Variants in C8orf34 observed in about 807,000 individuals in gnomAD.
C8orf34 encodes uncharacterized protein C8orf34.
C8orf34 carries 65 observed loss-of-function variants against 68.3 expected under a neutral mutation model. The observed-to-expected ratio is 0.95, with a 90% CI of 0.78 to 1.17. The LOEUF (loss-of-function observed/expected upper bound fraction) is 1.17, where lower values mean the gene tolerates loss of function less well. Ranked by LOEUF, C8orf34 falls within the 50% of genes most tolerant of loss-of-function variation. C8orf34 has a pLI of 0.00. For missense variants in C8orf34, 664 were observed against 655.4 expected (o/e 1.01, Z -0.14); for synonymous variants, 244 against 241.2 (o/e 1.01, Z -0.11).
At chr8:68,398,931 C>A (rs762674541) in intron 1 of C8orf34, among the ~76,000 whole-genome samples, 4 of 152,072 alleles carry the variant, frequency 2.6e-5, no homozygotes, top group Non-Finnish European at 5.9e-5. Flanking sequence ...GTCCCTCGGG[C>A]CACTATTCTC....
At chr8:68,637,019 A>C (rs2130721371) in intron 7 of C8orf34, among the ~76,000 whole-genome samples, 1 of 152,306 alleles carries the variant, frequency 6.6e-6, no homozygotes, top group South Asian at 2.1e-4. Flanking sequence ...TAGAGAACCA[A>C]GTAGCCTTTT....
intron 1 of C8orf34, among the ~76,000 whole-genome samples, chr8:68,430,070 C>T (rs1810389853): frequency 6.6e-6 from 1 of 152,056 alleles, no homozygotes; most frequent in South Asian, 2.1e-4. Flanking sequence ...AACTTTCAGT[C>T]CCAACCCAAA....
chr8:68,620,834 T>G (rs1818368713), intron 7 of C8orf34, among the ~76,000 whole-genome samples: 3 of 151,940 alleles, frequency 2.0e-5, no homozygotes, highest in Admixed American at 2.0e-4. Context: ...GAGAGCAAGG[T>G]CAGATTATTT....
intron 8 of C8orf34, among the ~76,000 whole-genome samples, chr8:68,641,058 G>C (rs922214334): frequency 6.6e-6 from 1 of 152,214 alleles, no homozygotes; most frequent in African/African-American, 2.4e-5. Flanking sequence ...TGGTCTAGCA[G>C]AAACTCACCA....
At chr8:68,662,284 C>A (rs952118521) in intron 8 of C8orf34, among the ~76,000 whole-genome samples, 1 of 152,098 alleles carries the variant, frequency 6.6e-6, no homozygotes, top group Non-Finnish European at 1.5e-5. Context: ...GTGTGTCAAC[C>A]TTTAGTCTCC....
At chr8:68,647,483 T>C (rs1819213378) in intron 8 of C8orf34, among the ~76,000 whole-genome samples, 1 of 152,202 alleles carries the variant, frequency 6.6e-6, no homozygotes, top group South Asian at 2.1e-4. Flanking sequence ...GCCAAAGAAA[T>C]ATCTGCAAAG....
At chr8:68,399,680 G>A (rs1808865220) in intron 1 of C8orf34, among the ~76,000 whole-genome samples, 1 of 152,112 alleles carries the variant, frequency 6.6e-6, no homozygotes, top group Non-Finnish European at 1.5e-5. Flanking sequence ...ATTCCCAGTA[G>A]TGGGATTGCT....
At chr8:68,708,456 C>G (rs1394632601) in intron 8 of C8orf34, among the ~76,000 whole-genome samples, 1 of 152,114 alleles carries the variant, frequency 6.6e-6, no homozygotes, top group Non-Finnish European at 1.5e-5. Context: ...ATTGTTCTCT[C>G]CTGAAGAAGG....
chr8:68,344,840 G>C (rs546552421), intron 1 of C8orf34, among the ~76,000 whole-genome samples: 1 of 152,022 alleles, frequency 6.6e-6, no homozygotes. Flanking sequence ...TTTTTATTGG[G>C]GGGGAGTAAC....
intron 8 of C8orf34, among the ~76,000 whole-genome samples, chr8:68,647,637 G>A (rs940769819): frequency 6.6e-6 from 1 of 152,144 alleles, no homozygotes; most frequent in Non-Finnish European, 1.5e-5. Flanking sequence ...AGAGAAATTA[G>A]GGCTACGTTA....
intron 1 of C8orf34, among the ~76,000 whole-genome samples, chr8:68,392,921 T>C (rs1808533037): frequency 6.6e-6 from 1 of 152,180 alleles, no homozygotes; most frequent in Non-Finnish European, 1.5e-5. Flanking sequence ...TAATGGAATG[T>C]ATTAGAAAAA....
At chr8:68,362,716 A>G (rs1288009518) in intron 1 of C8orf34, among the ~76,000 whole-genome samples, 1 of 152,166 alleles carries the variant, frequency 6.6e-6, no homozygotes, top group Non-Finnish European at 1.5e-5. Flanking sequence ...ACAAACAGAA[A>G]GGACAACCAC....
chr8:68,690,240 T>C (rs1247933719), intron 8 of C8orf34, among the ~76,000 whole-genome samples: 1 of 152,012 alleles, frequency 6.6e-6, no homozygotes, highest in Admixed American at 6.6e-5. Context: ...GATAATACAA[T>C]GGACATTTGA....
In C8orf34 at chr8:68,818,473, G is replaced by A; in HGVS notation, c.*227G>A. ...GTGGTCAGGAGGCCGGCTGCCTTTT[G>A]ACATGGTTAGAGTCCTGGGTTTAGA... is the stretch of plus-strand genomic sequence containing the variant. On this transcript the variant is annotated 3_prime_UTR_variant, in exon 14 of 14. Transcript: ENST00000518698. The A allele has an allele frequency of 5.9e-6, 3 of 505,792 alleles. No homozygotes were observed. The highest frequency in any genetic ancestry group is 3.6e-6 in the Non-Finnish European group (1 of 280,486). 31.3% of individuals were successfully genotyped at this position (505,792 alleles called of 1,614,324 possible).
intron 1 of C8orf34, among the ~76,000 whole-genome samples, chr8:68,346,855 G>A (rs1205605945): frequency 6.6e-6 from 1 of 152,044 alleles, no homozygotes; most frequent in African/African-American, 2.4e-5. Context: ...CTGAATGAAG[G>A]AGATTTTAGT....
At chr8:68,332,918 C>G (rs1438093592) in intron 1 of C8orf34, among the ~76,000 whole-genome samples, 1 of 151,948 alleles carries the variant, frequency 6.6e-6, no homozygotes, top group Non-Finnish European at 1.5e-5. Flanking sequence ...ATACATAATC[C>G]TATATAATTT....
chr8:68,427,485 A>G (rs1367962412), intron 1 of C8orf34, among the ~76,000 whole-genome samples: 1 of 152,220 alleles, frequency 6.6e-6, no homozygotes, highest in Non-Finnish European at 1.5e-5. Flanking sequence ...ACATAACTAT[A>G]TGTTATCTAG....
At chr8:68,677,945 A>G (rs1019268645) in intron 8 of C8orf34, among the ~76,000 whole-genome samples, 33 of 152,166 alleles carry the variant, frequency 2.2e-4, no homozygotes, top group African/African-American at 8.0e-4. Flanking sequence ...ATTAGAGGCT[A>G]CTAAGAGAAA....
chr8:68,517,612 A>G (rs1321765194), intron 5 of C8orf34, among the ~76,000 whole-genome samples: 2 of 152,200 alleles, frequency 1.3e-5, no homozygotes, highest in East Asian at 3.8e-4. Context: ...ACTTTTCAAT[A>G]GCAATACATC....
Sources: gnomAD v4.1 joint callset for allele counts (sites outside exome capture counted in the v4.1 genomes callset) on GRCh38, gnomAD v4.1.1 for gene constraint, MANE v1.5 for transcripts, NCBI Gene and HGNC (gene_info 2026-07-23, HGNC 2026-07-21) for gene names.